The following C1orf21 variants were observed in gnomAD, a reference collection of about 807,000 sequenced individuals.
The protein encoded by C1orf21 is uncharacterized protein C1orf21.
In C1orf21, 3 loss-of-function variants were observed where a neutral mutation model predicts 18.7. The observed-to-expected ratio is 0.16, with a 90% CI of 0.07 to 0.42. C1orf21 has a LOEUF of 0.42. C1orf21 is among the 10% of genes least tolerant of loss of function. The probability of loss-of-function intolerance (pLI) is 0.99; values close to 1 mark genes in which losing one functional copy is unlikely to be tolerated. For missense variants in C1orf21, 104 were observed against 143.6 expected (o/e 0.72, Z 1.41); for synonymous variants, 41 against 46.4 (o/e 0.88, Z 0.47).
At chr1:184,388,192 C>G (rs1307897612) in intron 1 of C1orf21, among the ~76,000 whole-genome samples, 1 of 152,080 alleles carries the variant, frequency 6.6e-6, no homozygotes, top group Non-Finnish European at 1.5e-5. Context: ...TGAGAGAAGT[C>G]CTGGGCTTAA....
chr1:184,450,508 C>T (rs1428165711), intron 1 of C1orf21, among the ~76,000 whole-genome samples: 1 of 152,134 alleles, frequency 6.6e-6, no homozygotes, highest in Non-Finnish European at 1.5e-5. Context: ...TTTATGATGA[C>T]AGGTAGCAGA....
At chr1:184,410,913 A>G (rs1656341510) in intron 1 of C1orf21, among the ~76,000 whole-genome samples, 1 of 150,726 alleles carries the variant, frequency 6.6e-6, no homozygotes, top group Non-Finnish European at 1.5e-5. Flanking sequence ...TGGCCTGCCA[A>G]ACTGTTGGGG....
Position 184,577,319 on chromosome 1 carries a change from A to G in C1orf21, c.190-13420A>G, listed in dbSNP as rs546692842. Among the ~76,000 whole-genome samples the G allele has an allele frequency of 2.0e-5, 3 of 152,096 alleles. No homozygotes were observed. The South Asian group carries it at 6.3e-4, about 32-fold the overall frequency. ...GGCGTTGAAGATGGAGAAAGGAGCT[A>G]TGGACCGAGGCGGGTCGGTGATGTG... is the stretch of plus-strand genomic sequence containing the variant. On this transcript the variant is annotated intron_variant, in intron 3 of 5. Transcript: ENST00000235307.
intron 3 of C1orf21, among the ~76,000 whole-genome samples, chr1:184,581,594 A>G (rs1659277827): frequency 6.6e-6 from 1 of 152,158 alleles, no homozygotes. Flanking sequence ...TTGGAGATAT[A>G]TTATCTTTTT....
intron 1 of C1orf21, among the ~76,000 whole-genome samples, chr1:184,398,023 C>T (rs1656089531): frequency 6.6e-6 from 1 of 152,108 alleles, no homozygotes; most frequent in Non-Finnish European, 1.5e-5. Flanking sequence ...TCGGACTCCA[C>T]TGAGAGGGTC....
At chr1:184,455,586 G>A (rs1465169492) in intron 1 of C1orf21, among the ~76,000 whole-genome samples, 5 of 152,172 alleles carry the variant, frequency 3.3e-5, no homozygotes, top group African/African-American at 1.2e-4. Flanking sequence ...TGGGGACAGC[G>A]TGAAAATACT....
At chr1:184,418,805 A>G (rs1178485896) in intron 1 of C1orf21, among the ~76,000 whole-genome samples, 3 of 152,208 alleles carry the variant, frequency 2.0e-5, no homozygotes, top group Admixed American at 2.0e-4. Flanking sequence ...GTCATGTAGC[A>G]GGTCTTCAGG....
At chr1:184,528,408 T>G (rs1174760531) in intron 3 of C1orf21, among the ~76,000 whole-genome samples, 1 of 152,176 alleles carries the variant, frequency 6.6e-6, no homozygotes, top group Non-Finnish European at 1.5e-5. Flanking sequence ...TGCATTCCAC[T>G]TTTTTCTTAG....
Position 184,625,251 on chromosome 1 carries a change from G to T in C1orf21, c.*5695G>T, listed in dbSNP as rs954442831. On this transcript the variant is annotated 3_prime_UTR_variant, in exon 6 of 6. Coordinates refer to ENST00000235307, the MANE Select transcript of C1orf21 (RefSeq NM_030806.4). ...AAAGAACACCATAAACTTAGGCAGAGGTCCCTTAGGGTCTCTAGAGTTGAA... is the reference window on the plus strand; with the variant it reads ...AAAGAACACCATAAACTTAGGCAGATGTCCCTTAGGGTCTCTAGAGTTGAA... 2.6e-5 allele frequency: 4 copies of T among 152,358 alleles called. No homozygotes were observed. Among genetic ancestry groups the T allele is most frequent in the African/African-American group, 9.7e-5 (4 of 41,434 alleles). 9.4% of individuals were successfully genotyped at this position (152,358 alleles called of 1,614,324 possible).
chr1:184,437,077 G>A (rs1367444386), intron 1 of C1orf21, among the ~76,000 whole-genome samples: 2 of 152,122 alleles, frequency 1.3e-5, no homozygotes, highest in Non-Finnish European at 2.9e-5. Context: ...ATGAAAGAGA[G>A]CCTGTGGGAT....
chr1:184,518,347 A>G (rs571298889), intron 3 of C1orf21, among the ~76,000 whole-genome samples: 3 of 152,216 alleles, frequency 2.0e-5, no homozygotes, highest in African/African-American at 4.8e-5. Flanking sequence ...AATTATAATG[A>G]TTATTGTTAT....
At chr1:184,521,136 C>T (rs547092399) in intron 3 of C1orf21, among the ~76,000 whole-genome samples, 4 of 152,250 alleles carry the variant, frequency 2.6e-5, no homozygotes, top group East Asian at 1.9e-4. Context: ...CCACTCGCCT[C>T]GGCCTCCCAA....
chr1:184,438,108 C>T (rs1454005379), intron 1 of C1orf21, among the ~76,000 whole-genome samples: 1 of 152,064 alleles, frequency 6.6e-6, no homozygotes, highest in East Asian at 1.9e-4. Context: ...TGGACTGATA[C>T]CAGGGTCCCC....
intron 2 of C1orf21, among the ~76,000 whole-genome samples, chr1:184,506,079 G>C (rs1658057224): frequency 6.6e-6 from 1 of 152,112 alleles, no homozygotes; most frequent in African/African-American, 2.4e-5. Context: ...TTGTGGATCA[G>C]AATCTGCTGA....
intron 1 of C1orf21, among the ~76,000 whole-genome samples, chr1:184,397,736 A>G (rs559556310): frequency 2.0e-4 from 31 of 152,288 alleles, no homozygotes; most frequent in Non-Finnish European, 3.1e-4. Context: ...CGAGCACCCA[A>G]TGTAGTAAAA....
intron 1 of C1orf21, among the ~76,000 whole-genome samples, chr1:184,458,521 A>G (rs1358410249): frequency 6.6e-6 from 1 of 152,190 alleles, no homozygotes; most frequent in East Asian, 1.9e-4. Context: ...AGAACTATAT[A>G]TTATACCTGG....
chr1:184,432,573 T>C (rs1656782750), intron 1 of C1orf21, among the ~76,000 whole-genome samples: 1 of 151,822 alleles, frequency 6.6e-6, no homozygotes. Flanking sequence ...ATGTAGATGA[T>C]GGGTTGATGG....
chr1:184,605,832 A>G (rs1659640271), intron 5 of C1orf21, among the ~76,000 whole-genome samples: 1 of 152,188 alleles, frequency 6.6e-6, no homozygotes, highest in Non-Finnish European at 1.5e-5. Flanking sequence ...TGTGCTCTGT[A>G]ATTGGTAGCC....
At chr1:184,477,693 G>T in intron 2 of C1orf21, 90 bp downstream of exon 2, 2 of 1,032,500 alleles carry the variant, frequency 1.9e-6, no homozygotes, top group Non-Finnish European at 1.4e-6. Context: ...ATATTTATGG[G>T]GTGCTTGTGA....
Sources: allele counts gnomAD v4.1 joint callset (sites outside exome capture counted in the v4.1 genomes callset), GRCh38; gene constraint gnomAD v4.1.1; transcripts MANE v1.5; gene names NCBI Gene and HGNC (gene_info 2026-07-23, HGNC 2026-07-21).